The following KIRREL3 variants were observed in gnomAD, a reference collection of about 807,000 sequenced individuals.
The protein encoded by KIRREL3 is kin of IRRE-like protein 3.
A neutral mutation model predicts 89.7 loss-of-function variants in KIRREL3; 36 were observed. That is an observed-to-expected ratio of 0.40 (90% CI 0.31 to 0.53). The LOEUF (loss-of-function observed/expected upper bound fraction) is 0.53. KIRREL3 is among the 20% of genes least tolerant of loss of function. KIRREL3 has a pLI of 0.49. For missense variants in KIRREL3, 864 were observed against 1,056.6 expected, an observed-to-expected ratio of 0.82 and a Z score of 2.53; for synonymous variants, 445 against 441.4, an observed-to-expected ratio of 1.01 and a Z score of -0.10.
Position 126,708,115 on chromosome 11 carries a change from CA to C in KIRREL3, c.56-145204del, listed in dbSNP as rs1380887736. ...CCGTTTGATCAGAAAGAAACACACC[CA>C]ATCTTCCTCTTCCACTGACTTTTCC... On this transcript the variant is annotated intron_variant, in intron 1 of 16. Coordinates refer to ENST00000525144, the MANE Select transcript of KIRREL3 (RefSeq NM_032531.4). This position sits in a 1 kb window ranked among gnomAD's most constrained non-coding sequence, Gnocchi z 5.7. Among the ~76,000 whole-genome samples the C allele has an allele frequency of 6.6e-6, 1 of 152,168 alleles. No homozygotes were observed. The highest frequency in any genetic ancestry group is 6.5e-5 in the Admixed American group (1 of 15,280).
At chr11:126,440,277 G>T in intron 11 of KIRREL3, 172 bp downstream of exon 11, 1 of 714,442 alleles carries the variant, frequency 1.4e-6, no homozygotes. Context: ...AGAAAGGCCT[G>T]CAATTGTGTC....
chr11:126,517,901 T>C (rs1177051705), intron 4 of KIRREL3, among the ~76,000 whole-genome samples: 1 of 152,224 alleles, frequency 6.6e-6, no homozygotes, highest in African/African-American at 2.4e-5. Context: ...TCTAATGCTG[T>C]TTCCGTGACG....
chr11:126,479,399 G>T (rs1401187777), intron 4 of KIRREL3, among the ~76,000 whole-genome samples: 1 of 152,198 alleles, frequency 6.6e-6, no homozygotes, highest in Non-Finnish European at 1.5e-5. Flanking sequence ...TACACGGCCT[G>T]CCATCTTAGA....
rs80327171 is a variant in KIRREL3, at chr11:126,989,349, G to A, written c.55+11106C>T. ...GCACTGTGGGGACGAAGGGGGCAGTGGCAGCTCACCCTGATGCAGAGAGAG... is the reference window on the plus strand; with the variant it reads ...GCACTGTGGGGACGAAGGGGGCAGTAGCAGCTCACCCTGATGCAGAGAGAG... On this transcript the variant is annotated intron_variant, in intron 1 of 16. Transcript: ENST00000525144. This position sits in a 1 kb window ranked among gnomAD's most constrained non-coding sequence, Gnocchi z 6.2. Among the ~76,000 whole-genome samples, 7,797 of 152,252 alleles carry A rather than the reference G, an allele frequency of 0.051. 602 individuals are homozygous for A. Among genetic ancestry groups the A allele is most frequent in the African/African-American group, 0.16 (6,648 of 41,520 alleles).
rs182235027 is a variant in KIRREL3 at position 126,970,969 on chromosome 11, G to T, written c.55+29486C>A. On this transcript the variant is annotated intron_variant, in intron 1 of 16. Coordinates refer to ENST00000525144, the MANE Select transcript of KIRREL3 (RefSeq NM_032531.4). The surrounding 1 kb of genome is among the most constrained non-coding windows in gnomAD (Gnocchi z 4.4). ...CCAGTCTCCCTTACAGTAGCTGCGA[G>T]GTGCACAGGTAGTTTTAGGATTTAA... Among the ~76,000 whole-genome samples, 42 of 152,272 alleles carry T rather than the reference G, an allele frequency of 2.8e-4. 1 individual carries two copies. Among genetic ancestry groups the T allele is most frequent in the Admixed American group, 2.7e-3 (42 of 15,302 alleles).
chr11:126,884,555 A>G (rs1940007), intron 1 of KIRREL3, among the ~76,000 whole-genome samples: 93,780 of 152,088 alleles, frequency 0.62, 30,448 homozygotes, highest in African/African-American at 0.82. Flanking sequence ...GACTGGGTTC[A>G]TGACAGACAC....
At chr11:126,542,931 A>G (rs1176231247) in intron 2 of KIRREL3, among the ~76,000 whole-genome samples, 1 of 152,136 alleles carries the variant, frequency 6.6e-6, no homozygotes, top group Non-Finnish European at 1.5e-5. Context: ...TTGGGATATT[A>G]ACCACAACTA....
At chr11:126,829,782 T>A (rs1014819260) in intron 1 of KIRREL3, among the ~76,000 whole-genome samples, 2 of 152,156 alleles carry the variant, frequency 1.3e-5, no homozygotes, top group Non-Finnish European at 2.9e-5. Flanking sequence ...GAAATACACA[T>A]GTGAAAACCT....
chr11:126,651,982 G>T lies in KIRREL3; in HGVS notation c.56-89070C>A, dbSNP rs1274453124. On this transcript the variant is annotated intron_variant, in intron 1 of 16. Transcript: ENST00000525144. This position sits in a 1 kb window ranked among gnomAD's most constrained non-coding sequence, Gnocchi z 4.6. ...ATTCAGATATTTAAATGATGGTAGG[G>T]TAAGTCATTATGCCAATGGGAGAAT... Among the ~76,000 whole-genome samples, 2 of 152,158 alleles carry T rather than the reference G, an allele frequency of 1.3e-5. No homozygotes were observed. Among genetic ancestry groups the T allele is most frequent in the African/African-American group, 4.8e-5 (2 of 41,432 alleles).
Position 126,744,812 on chromosome 11 carries a change from G to A in KIRREL3, c.56-181900C>T, listed in dbSNP as rs1217412364. Among the ~76,000 whole-genome samples the A allele has an allele frequency of 1.3e-5, 2 of 151,038 alleles. No individual in the cohort carries two copies. Among genetic ancestry groups the A allele is most frequent in the African/African-American group, 2.4e-5 (1 of 40,914 alleles). ...ATATAGGCTTCATGAGGCAGGTACTGTATTTGCCCTGTTGCCTGCTCTGTC... is the reference window on the plus strand; with the variant it reads ...ATATAGGCTTCATGAGGCAGGTACTATATTTGCCCTGTTGCCTGCTCTGTC... On this transcript the variant is annotated intron_variant, in intron 1 of 16. Coordinates refer to ENST00000525144, the MANE Select transcript of KIRREL3 (RefSeq NM_032531.4). The surrounding 1 kb of genome is among the most constrained non-coding windows in gnomAD (Gnocchi z 4.7).
chr11:126,928,444 T>C (rs1306726672), intron 1 of KIRREL3, among the ~76,000 whole-genome samples: 1 of 152,232 alleles, frequency 6.6e-6, no homozygotes, highest in East Asian at 1.9e-4. Flanking sequence ...GAGGCTGGGA[T>C]TGCCCTGATC....
chr11:126,798,827 G>A (rs1950893780), intron 1 of KIRREL3, among the ~76,000 whole-genome samples: 1 of 152,190 alleles, frequency 6.6e-6, no homozygotes, highest in Non-Finnish European at 1.5e-5. Flanking sequence ...AAAGAACATG[G>A]GTTTGGGGTC....
intron 1 of KIRREL3, among the ~76,000 whole-genome samples, chr11:126,600,030 G>C (rs1942583705): frequency 6.6e-6 from 1 of 152,210 alleles, no homozygotes. Context: ...CTCTAGTTAA[G>C]TTATAAAAGA....
chr11:126,863,838 C>G (rs1276362966), intron 1 of KIRREL3, among the ~76,000 whole-genome samples: 3 of 152,140 alleles, frequency 2.0e-5, no homozygotes, highest in Non-Finnish European at 4.4e-5. Flanking sequence ...ATTCCTCTGC[C>G]CTGCCTCCCT....
chr11:126,910,935 A>T (rs1946790585), intron 1 of KIRREL3, among the ~76,000 whole-genome samples: 1 of 152,212 alleles, frequency 6.6e-6, no homozygotes, highest in Non-Finnish European at 1.5e-5. Context: ...AGTGAGCAAG[A>T]CTGAAAGACA....
intron 1 of KIRREL3, among the ~76,000 whole-genome samples, chr11:126,583,111 C>T (rs1941643656): frequency 6.6e-6 from 1 of 152,180 alleles, no homozygotes; most frequent in African/African-American, 2.4e-5. Context: ...ACAGCTGGCT[C>T]CCCGGGCCCC....
At position 126,689,118 on chromosome 11, in the gene KIRREL3, C is replaced by A. The variant is rs184088186; in HGVS notation, c.56-126206G>T. On this transcript the variant is annotated intron_variant, in intron 1 of 16. Coordinates refer to ENST00000525144, the MANE Select transcript of KIRREL3 (RefSeq NM_032531.4). This position sits in a 1 kb window ranked among gnomAD's most constrained non-coding sequence, Gnocchi z 5.2. ...ACGTATTGAGCATGAGCTGCCTGAT[C>A]TTTGCCAGGTGATAAACTGGCCCAC... Among the ~76,000 whole-genome samples the A allele has an allele frequency of 8.6e-5, 13 of 150,902 alleles. No homozygotes were observed. The highest frequency in any genetic ancestry group is 1.8e-4 in the Non-Finnish European group (12 of 67,844).
chr11:126,451,091 ATGTGTCCATGTGCATG>A (rs1956098579), intron 7 of KIRREL3, among the ~76,000 whole-genome samples: 1 of 85,252 alleles, frequency 1.2e-5, no homozygotes, highest in Non-Finnish European at 2.3e-5. Context: ...GTGTGTGCAT[ATGTGTCCATGTGCATG>A]TGTGCATGTG....
chr11:126,986,313 A>C (rs1423516591), intron 1 of KIRREL3, among the ~76,000 whole-genome samples: 1 of 152,190 alleles, frequency 6.6e-6, no homozygotes. Context: ...ATCCCAGTTC[A>C]CAATGAAGTG....
Sources: allele counts gnomAD v4.1 joint callset (sites outside exome capture counted in the v4.1 genomes callset), GRCh38; gene constraint gnomAD v4.1.1; non-coding constraint Gnocchi (gnomAD v3.1); transcripts MANE v1.5; gene names NCBI Gene and HGNC (gene_info 2026-07-23, HGNC 2026-07-21).